CAMK2D: variants seen among roughly 807,000 people sequenced by gnomAD.
The protein encoded by CAMK2D is calcium/calmodulin dependent protein kinase II delta.
CAMK2D carries 37 observed loss-of-function variants against 84.0 expected under a neutral mutation model. The observed-to-expected ratio is 0.44, with a 90% CI of 0.34 to 0.58. The LOEUF (loss-of-function observed/expected upper bound fraction) is 0.58, where lower values mean the gene tolerates loss of function less well. CAMK2D is among the 20% of genes least tolerant of loss of function. CAMK2D has a pLI of 0.02. For synonymous variants in CAMK2D, 202 were observed against 212.5 expected (o/e 0.95, Z 0.43); for missense variants, 448 against 652.5 (o/e 0.69, Z 3.41).
intron 6 of CAMK2D, among the ~76,000 whole-genome samples, chr4:113,540,864 T>G (rs2098525473): frequency 6.6e-6 from 1 of 152,184 alleles, no homozygotes; most frequent in South Asian, 2.1e-4. Flanking sequence ...GATCTTTAGA[T>G]TCTTATAATG....
chr4:113,638,556 G>C (rs2099119157), intron 3 of CAMK2D, among the ~76,000 whole-genome samples: 1 of 152,086 alleles, frequency 6.6e-6, no homozygotes, highest in African/African-American at 2.4e-5. Context: ...TGGAGTTAAA[G>C]GTAGAATGCA....
intron 16 of CAMK2D, among the ~76,000 whole-genome samples, chr4:113,472,746 C>CT (rs2097561395): frequency 1.3e-5 from 2 of 152,198 alleles, no homozygotes; most frequent in African/African-American, 4.8e-5. Context: ...TGAATTGTGC[C>CT]TAAAAAGCAC....
intron 3 of CAMK2D, among the ~76,000 whole-genome samples, chr4:113,617,557 G>T (rs2099026389): frequency 6.6e-6 from 1 of 152,098 alleles, no homozygotes; most frequent in African/African-American, 2.4e-5. Context: ...ATGATTATGG[G>T]AGAAGTAAGG....
chr4:113,625,583 T>G (rs2099064306), intron 3 of CAMK2D, among the ~76,000 whole-genome samples: 1 of 152,150 alleles, frequency 6.6e-6, no homozygotes, highest in Non-Finnish European at 1.5e-5. Context: ...AGCAAGACTT[T>G]ACTTGACCAG....
chr4:113,466,541 TTTAGACAAATGGCCTTTAG>T (rs1295858014), intron 16 of CAMK2D, among the ~76,000 whole-genome samples: 1 of 152,182 alleles, frequency 6.6e-6, no homozygotes, highest in African/African-American at 2.4e-5. Flanking sequence ...GGCCTTTGTT[TTTAGACAAATGGCCTTTAG>T]TAAACTCTAC....
chr4:113,547,690 G>A lies in CAMK2D; in HGVS notation c.368C>T (p.Ala123Val). 6.4e-7 allele frequency: 1 copy of A among 1,566,050 alleles called. No homozygotes were observed. Among genetic ancestry groups the A allele is most frequent in the Non-Finnish European group, 8.6e-7 (1 of 1,162,846 alleles). ...ASHCIQQILEAVLHCHQMGVV... is the reference protein window; with the variant it reads ...ASHCIQQILEVVLHCHQMGVV... Reference sequence around the variant, plus strand: ...GCCCATCTGATGGCAGTGTAGCACAGCCTCCAGGATCTGCTGAATGCAATG... The same window carrying A: ...GCCCATCTGATGGCAGTGTAGCACAACCTCCAGGATCTGCTGAATGCAATG... Residue 123 changes from alanine (A) to valine (V), a missense_variant, in exon 6 of 21, where the codon GCT becomes GTT. Transcript: ENST00000511664.
intron 2 of CAMK2D, among the ~76,000 whole-genome samples, chr4:113,687,426 C>A (rs1307912610): frequency 6.6e-6 from 1 of 152,168 alleles, no homozygotes; most frequent in Non-Finnish European, 1.5e-5. Flanking sequence ...TCAATCAAAT[C>A]CAATTCAGAT....
At chr4:113,465,930 G>C (rs536140814) in intron 16 of CAMK2D, among the ~76,000 whole-genome samples, 1 of 152,220 alleles carries the variant, frequency 6.6e-6, no homozygotes, top group East Asian at 1.9e-4. Flanking sequence ...CACCTGAAAG[G>C]TCGGTCAAGG....
chr4:113,580,365 G>T (rs1561119748), intron 4 of CAMK2D, among the ~76,000 whole-genome samples: 1 of 152,144 alleles, frequency 6.6e-6, no homozygotes, highest in Non-Finnish European at 1.5e-5. Flanking sequence ...ATTCATTAAA[G>T]TGCTACAATA....
rs188284091 is a variant in CAMK2D at position 113,735,131 on chromosome 4, G to A, written c.160+24189C>T. Reference sequence around the variant, plus strand: ...AGAGCCCAGTTAGAATAATACACAGGAAATATATATAAAATTCTGCCTTTT... The same window carrying A: ...AGAGCCCAGTTAGAATAATACACAGAAAATATATATAAAATTCTGCCTTTT... On this transcript the variant is annotated intron_variant, in intron 2 of 20. Transcript: ENST00000511664. 4.5e-3 allele frequency among the ~76,000 whole-genome samples: 683 copies of A among 151,336 alleles called. 9 individuals carry two copies. The highest frequency in any genetic ancestry group is 0.014 in the Middle Eastern group (4 of 294).
At chr4:113,710,390 C>A (rs1240617651) in intron 2 of CAMK2D, among the ~76,000 whole-genome samples, 2 of 152,032 alleles carry the variant, frequency 1.3e-5, no homozygotes, top group Non-Finnish European at 2.9e-5. Flanking sequence ...AATACAGAGA[C>A]CTTCTGAGCT....
intron 2 of CAMK2D, among the ~76,000 whole-genome samples, chr4:113,733,310 C>T (rs1457444586): frequency 6.6e-6 from 1 of 152,140 alleles, no homozygotes; most frequent in African/African-American, 2.4e-5. Context: ...AGCCTTGGTC[C>T]TCAGTGTCTT....
At chr4:113,719,081 T>C (rs1315160522) in intron 2 of CAMK2D, among the ~76,000 whole-genome samples, 2 of 152,208 alleles carry the variant, frequency 1.3e-5, no homozygotes, top group African/African-American at 4.8e-5. Context: ...AAACTGTTAA[T>C]GAATAATTTA....
chr4:113,591,932 T>C (rs986837763), intron 4 of CAMK2D, among the ~76,000 whole-genome samples: 4 of 152,184 alleles, frequency 2.6e-5, no homozygotes, highest in Non-Finnish European at 4.4e-5. Flanking sequence ...CCACAGTTTA[T>C]GGTTTCTTGT....
intron 4 of CAMK2D, among the ~76,000 whole-genome samples, chr4:113,582,611 C>G (rs189135816): frequency 1.3e-5 from 2 of 152,214 alleles, no homozygotes; most frequent in Admixed American, 6.5e-5. Flanking sequence ...AAAAATTTGC[C>G]TTTAAGAGGT....
At chr4:113,700,707 A>G (rs575169445) in intron 2 of CAMK2D, among the ~76,000 whole-genome samples, 1 of 152,004 alleles carries the variant, frequency 6.6e-6, no homozygotes, top group Non-Finnish European at 1.5e-5. Context: ...GCTGTGGGCA[A>G]CTCTGTTTTC....
At chr4:113,583,627 C>G (rs888111601) in intron 4 of CAMK2D, among the ~76,000 whole-genome samples, 34 of 152,128 alleles carry the variant, frequency 2.2e-4, no homozygotes, top group Admixed American at 3.3e-4. Flanking sequence ...GAAAATTTAG[C>G]TGATAATTGC....
chr4:113,707,355 C>G (rs2099463202), intron 2 of CAMK2D, among the ~76,000 whole-genome samples: 1 of 152,086 alleles, frequency 6.6e-6, no homozygotes, highest in African/African-American at 2.4e-5. Flanking sequence ...AGGAGTCAGG[C>G]TGTGAAGAAA....
intron 3 of CAMK2D, among the ~76,000 whole-genome samples, chr4:113,657,777 G>C (rs947673633): frequency 3.3e-5 from 5 of 152,128 alleles, no homozygotes; most frequent in African/African-American, 1.2e-4. Context: ...TCTGTGCCAA[G>C]AGAAAGACAC....
Sources: gnomAD v4.1 joint callset for allele counts (sites outside exome capture counted in the v4.1 genomes callset) on GRCh38, gnomAD v4.1.1 for gene constraint, MANE v1.5 for transcripts, NCBI Gene and HGNC (gene_info 2026-07-23, HGNC 2026-07-21) for gene names.